The following MAGI1 variants were observed in gnomAD, a reference collection of about 807,000 sequenced individuals.
MAGI1 encodes membrane associated guanylate kinase, WW and PDZ domain containing 1, also known as membrane-associated guanylate kinase, WW and PDZ domain-containing protein 1.
Under a neutral mutation model 139.9 loss-of-function variants are expected in MAGI1, and 58 were observed. The observed-to-expected ratio is 0.41, with a 90% confidence interval of 0.34 to 0.52. The LOEUF is 0.52. Ranked by LOEUF, MAGI1 falls within the 20% of genes least tolerant of loss-of-function variation. The pLI, the probability that MAGI1 is intolerant of heterozygous loss-of-function variation, is 0.12. For missense variants in MAGI1, 1,874 were observed against 1,901.6 expected (o/e 0.99, Z 0.27); for synonymous variants, 812 against 737.9 (o/e 1.10, Z -1.63).
At chr3:65,644,869 C>T (rs956768029) in intron 1 of MAGI1, among the ~76,000 whole-genome samples, 6 of 151,780 alleles carry the variant, frequency 4.0e-5, no homozygotes, top group African/African-American at 2.4e-5. Flanking sequence ...TGGTGACGCA[C>T]ACCTATAATC....
At chr3:65,703,925 T>C (rs1268691561) in intron 1 of MAGI1, among the ~76,000 whole-genome samples, 2 of 152,220 alleles carry the variant, frequency 1.3e-5, no homozygotes, top group African/African-American at 2.4e-5. Flanking sequence ...TAGACATGCA[T>C]GGGCTTAAAG....
At chr3:65,948,372 T>G (rs937973469) in intron 1 of MAGI1, among the ~76,000 whole-genome samples, 3 of 152,220 alleles carry the variant, frequency 2.0e-5, no homozygotes, top group Admixed American at 2.0e-4. Flanking sequence ...TTTCTGCCTT[T>G]TCTTTGAGAC....
intron 12 of MAGI1, among the ~76,000 whole-genome samples, chr3:65,417,582 T>G (rs192492892): frequency 7.9e-5 from 12 of 152,084 alleles, no homozygotes; most frequent in Admixed American, 6.6e-4. Context: ...ACTGGGATTT[T>G]GAGATGATGG....
At chr3:65,500,360 G>C (rs1201109455) in intron 2 of MAGI1, among the ~76,000 whole-genome samples, 1 of 152,152 alleles carries the variant, frequency 6.6e-6, no homozygotes, top group Non-Finnish European at 1.5e-5. Context: ...CCTAGTGAGT[G>C]TCTCAGAAAG....
At chr3:65,786,742 G>T (rs1027396883) in intron 1 of MAGI1, among the ~76,000 whole-genome samples, 1 of 151,632 alleles carries the variant, frequency 6.6e-6, no homozygotes, top group South Asian at 2.1e-4. Flanking sequence ...CTCCCTAGTA[G>T]CTGGGACTAC....
chr3:65,776,405 C>G (rs2038433708), intron 1 of MAGI1, among the ~76,000 whole-genome samples: 1 of 152,014 alleles, frequency 6.6e-6, no homozygotes. Flanking sequence ...TTCAAAGCCT[C>G]TGAGTCCCAG....
intron 1 of MAGI1, among the ~76,000 whole-genome samples, chr3:66,003,351 T>C (rs1314858412): frequency 6.6e-6 from 1 of 152,086 alleles, no homozygotes; most frequent in South Asian, 2.1e-4. Flanking sequence ...GGCTTGTTGA[T>C]TCAAGGTTAA....
chr3:65,741,125 G>A (rs944106398), intron 1 of MAGI1, among the ~76,000 whole-genome samples: 1 of 151,342 alleles, frequency 6.6e-6, no homozygotes, highest in Non-Finnish European at 1.5e-5. Context: ...GAGAGAACTT[G>A]ATCAACTGTG....
At chr3:65,975,092 T>TA (rs35610967) in intron 1 of MAGI1, among the ~76,000 whole-genome samples, 119,819 of 147,190 alleles carry the variant, frequency 0.81, 48,854 homozygotes, top group Admixed American at 0.89. Context: ...AATAGCTATT[T>TA]AAAAAAAAAA....
chr3:65,846,020 A>C (rs2058980642), intron 1 of MAGI1, among the ~76,000 whole-genome samples: 1 of 152,220 alleles, frequency 6.6e-6, no homozygotes, highest in Admixed American at 6.5e-5. Context: ...TGGGAATAAA[A>C]GCCTCAAACC....
chr3:65,956,237 G>A (rs2064120793), intron 1 of MAGI1, among the ~76,000 whole-genome samples: 1 of 152,084 alleles, frequency 6.6e-6, no homozygotes, highest in Non-Finnish European at 1.5e-5. Flanking sequence ...AATAACTATG[G>A]GCCAGGAACT....
intron 2 of MAGI1, among the ~76,000 whole-genome samples, chr3:65,577,298 A>C (rs967076275): frequency 6.6e-6 from 1 of 152,200 alleles, no homozygotes; most frequent in African/African-American, 2.4e-5. Flanking sequence ...AATATTTTTT[A>C]AAATAAAAAT....
intron 1 of MAGI1, among the ~76,000 whole-genome samples, chr3:65,918,707 T>C (rs934432500): frequency 6.6e-6 from 1 of 152,108 alleles, no homozygotes; most frequent in Non-Finnish European, 1.5e-5. Context: ...TGATTTCTTT[T>C]GCCAACAAAT....
chr3:65,509,176 A>C (rs1284079996), intron 2 of MAGI1, among the ~76,000 whole-genome samples: 2 of 139,260 alleles, frequency 1.4e-5, no homozygotes, highest in Non-Finnish European at 3.2e-5. Flanking sequence ...GGGTTGTTTC[A>C]AAACAAAACA....
chr3:65,688,257 A>C (rs755665567), intron 1 of MAGI1: 48 of 850,418 alleles, frequency 5.6e-5, no homozygotes, highest in Admixed American at 3.2e-4. Context: ...TCTGGTCTGA[A>C]TCCTCTCACA....
At chr3:65,730,462 T>C (rs1258902921) in intron 1 of MAGI1, among the ~76,000 whole-genome samples, 2 of 152,214 alleles carry the variant, frequency 1.3e-5, no homozygotes, top group East Asian at 1.9e-4. Context: ...CCATCATCTT[T>C]ACTAAGGAAG....
intron 5 of MAGI1, among the ~76,000 whole-genome samples, chr3:65,464,284 C>T (rs1342171645): frequency 6.6e-6 from 1 of 151,956 alleles, no homozygotes; most frequent in Non-Finnish European, 1.5e-5. Flanking sequence ...TCTTTTTGAG[C>T]TTAAGTTATT....
chr3:65,657,213 G>A (rs2085928526), intron 1 of MAGI1, among the ~76,000 whole-genome samples: 1 of 151,998 alleles, frequency 6.6e-6, no homozygotes, highest in South Asian at 2.1e-4. Context: ...CTAAGTAAGT[G>A]TCTTACCCAA....
At chr3:65,556,726 G>C (rs558931221) in intron 2 of MAGI1, among the ~76,000 whole-genome samples, 1 of 152,268 alleles carries the variant, frequency 6.6e-6, no homozygotes, top group South Asian at 2.1e-4. Context: ...GTTACAGAAG[G>C]CAGAGAGATC....
Sources: allele counts gnomAD v4.1 joint callset (sites outside exome capture counted in the v4.1 genomes callset), GRCh38; gene constraint gnomAD v4.1.1; transcripts MANE v1.5; gene names NCBI Gene and HGNC (gene_info 2026-07-23, HGNC 2026-07-21).